The following CRTC1 variants were observed in gnomAD, a reference collection of about 807,000 sequenced individuals.
CRTC1 encodes the protein CREB regulated transcription coactivator 1, also known as CREB-regulated transcription coactivator 1.
CRTC1 carries 18 observed loss-of-function variants against 66.1 expected under a neutral mutation model. The observed-to-expected ratio is 0.27, with a 90% CI of 0.19 to 0.40. The LOEUF is 0.40. CRTC1 is among the 10% of genes least tolerant of loss of function. The probability of loss-of-function intolerance (pLI) is 1.00; values close to 1 mark genes in which losing one functional copy is unlikely to be tolerated. For missense variants in CRTC1, 669 were observed against 887.9 expected (o/e 0.75, Z 3.13); for synonymous variants, 416 against 398.8 (o/e 1.04, Z -0.51).
Position 18,777,737 on chromosome 19 carries a change from C to T in CRTC1, c.*355C>T, listed in dbSNP as rs1568547244. ...CAGCTCCCGGCGTGGCGGGCAGGCT[C>T]AGGGGAGGGGCGCGCATGGTCCGCC... is the stretch of plus-strand genomic sequence containing the variant. On this transcript the variant is annotated 3_prime_UTR_variant, in exon 14 of 14. Coordinates refer to ENST00000321949, the MANE Select transcript of CRTC1 (RefSeq NM_015321.3). The surrounding 1 kb of genome is among the most constrained non-coding windows in gnomAD (Gnocchi z 5.5). The T allele has an allele frequency of 1.4e-5, 5 of 358,378 alleles. No individual in the cohort carries two copies. Among genetic ancestry groups the T allele is most frequent in the Admixed American group, 5.1e-5 (1 of 19,514 alleles). The allele number at this position is 358,378 out of a possible 1,614,324, so 22.2% of individuals were successfully genotyped here.
At chr19:18,740,141 T>C (rs1402058777) in intron 1 of CRTC1, among the ~76,000 whole-genome samples, 1 of 151,840 alleles carries the variant, frequency 6.6e-6, no homozygotes, top group Non-Finnish European at 1.5e-5. Context: ...TAATCCCAGC[T>C]ACTCAGGAAG....
intron 4 of CRTC1, 26 bp from the exon 5 acceptor site, chr19:18,749,755 A>G (rs1600934080): frequency 6.3e-7 from 1 of 1,596,242 alleles, no homozygotes; most frequent in Non-Finnish European, 8.6e-7. Flanking sequence ...GCTGAGGCTC[A>G]TTGTCTCTTC....
intron 11 of CRTC1, among the ~76,000 whole-genome samples, 188 bp from the exon 12 acceptor site, chr19:18,774,712 G>T (rs1434915806): frequency 6.6e-6 from 1 of 152,214 alleles, no homozygotes; most frequent in African/African-American, 2.4e-5. Context: ...CCTCCCAGGA[G>T]CAGGTGGCAG....
chr19:18,689,564 C>CATATATAT (rs10616884), intron 1 of CRTC1, among the ~76,000 whole-genome samples: 24 of 38,338 alleles, frequency 6.3e-4, no homozygotes, highest in African/African-American at 5.7e-3. Flanking sequence ...AATTGATGGC[C>CATATATAT]ATATATATAT....
chr19:18,737,065 G>A (rs1278639742), intron 1 of CRTC1, among the ~76,000 whole-genome samples: 3 of 152,122 alleles, frequency 2.0e-5, no homozygotes, highest in South Asian at 2.1e-4. Flanking sequence ...CCTACCTAGG[G>A]GCTCCTGCTC....
Position 18,777,193 on chromosome 19 carries a change from C to A in CRTC1, c.1716C>A (p.Ser572Arg). ...CAGTGACAGGAGAGTCCCCCCCCAG[C>A]CTCTCTAAAGAACTGACCAGCTCTC... Reference protein sequence around the residue: ...ILTVTGESPPSLSKELTSSLA... With the variant: ...ILTVTGESPPRLSKELTSSLA... The change falls in exon 14 of 14, where the codon AGC becomes AGA. Residue 572 changes from serine to arginine, a missense_variant. Ser to Arg is a moderately radical substitution (Grantham distance 110). Coordinates refer to ENST00000321949, the MANE Select transcript of CRTC1 (RefSeq NM_015321.3). The surrounding 1 kb of genome is among the most constrained non-coding windows in gnomAD (Gnocchi z 5.5). 1 of 1,571,332 alleles carries A rather than the reference C, an allele frequency of 6.4e-7. No homozygotes were observed.
intron 5 of CRTC1, among the ~76,000 whole-genome samples, chr19:18,753,002 A>G (rs1445601850): frequency 6.6e-6 from 1 of 151,386 alleles, no homozygotes; most frequent in Non-Finnish European, 1.5e-5. Context: ...ACGGTGGCGC[A>G]CACCTGTAAT....
intron 3 of CRTC1, among the ~76,000 whole-genome samples, chr19:18,746,494 A>T: frequency 8.0e-6 from 1 of 125,192 alleles, no homozygotes; most frequent in Non-Finnish European, 1.8e-5. Flanking sequence ...CTCCCCCCCA[A>T]CTCAGCCGCC....
chr19:18,766,218 T>G (rs1470037332), intron 9 of CRTC1, among the ~76,000 whole-genome samples: 2 of 151,480 alleles, frequency 1.3e-5, no homozygotes, highest in African/African-American at 4.8e-5. Flanking sequence ...CTTCCTGGGT[T>G]CAAGCCATTC....
chr19:18,729,763 A>G (rs2053844469), intron 1 of CRTC1, among the ~76,000 whole-genome samples: 2 of 152,012 alleles, frequency 1.3e-5, no homozygotes, highest in South Asian at 2.1e-4. Flanking sequence ...AATAATAATA[A>G]TAAGTTGGTT....
rs1568549884 is a variant in CRTC1 at position 18,780,190 on chromosome 19, C to T, written c.*2808C>T. On this transcript the variant is annotated 3_prime_UTR_variant, in exon 14 of 14. Transcript: ENST00000321949. ...CGCCGTCTGTGTCCTTGGTCAGGCC[C>T]GGATGCTTGGTCTACACTGGGTTAG... is the stretch of plus-strand genomic sequence containing the variant. 8.6e-6 allele frequency: 2 copies of T among 231,606 alleles called. No individual in the cohort carries two copies. The highest frequency in any genetic ancestry group is 8.5e-6 in the Non-Finnish European group (1 of 117,138). The allele number at this position is 231,606 out of a possible 1,614,324, so 14.3% of individuals were successfully genotyped here. A position where few individuals can be genotyped will look rare whatever the true frequency, so the allele number is the denominator to read the frequency against.
chr19:18,765,377 TCTCC>T, intron 8 of CRTC1, 23 bp from the exon 9 acceptor site: 3 of 1,597,944 alleles, frequency 1.9e-6, no homozygotes, highest in Non-Finnish European at 2.6e-6. Flanking sequence ...TCACACCTGC[TCTCC>T]CTCCCTCCTA....
Position 18,745,972 on chromosome 19 carries a change from A to G in CRTC1, c.381+12A>G. ...AACACGGACGGCAGATATCCTTTTC[A>G]CCAGAGGATGAGGGTGGGGGCCAGG... On this transcript the variant is annotated intron_variant, in intron 3 of 13. Coordinates refer to ENST00000321949, the MANE Select transcript of CRTC1 (RefSeq NM_015321.3). 1 of 1,600,644 alleles carries G rather than the reference A, an allele frequency of 6.2e-7. No individual in the cohort carries two copies. The highest frequency in any genetic ancestry group is 8.5e-7 in the Non-Finnish European group (1 of 1,170,734).
At chr19:18,774,864 G>A in intron 11 of CRTC1, 36 bp from the exon 12 acceptor site, 1 of 1,605,246 alleles carries the variant, frequency 6.2e-7, no homozygotes, top group Non-Finnish European at 8.5e-7. Flanking sequence ...CCTGGCCTCA[G>A]GCCGTGACCA....
chr19:18,684,328 G>A (rs139281231), intron 1 of CRTC1, among the ~76,000 whole-genome samples: 77 of 152,092 alleles, frequency 5.1e-4, no homozygotes, highest in African/African-American at 1.6e-3. Flanking sequence ...AAGTGCCCCC[G>A]CATCCTTGCT....
At chr19:18,743,071 C>A in intron 2 of CRTC1, 45 bp downstream of exon 2, 1 of 1,450,316 alleles carries the variant, frequency 6.9e-7, no homozygotes, top group South Asian at 1.1e-5. Flanking sequence ...GGGGAGCTTC[C>A]CCCAGCCTCC....
intron 1 of CRTC1, among the ~76,000 whole-genome samples, chr19:18,702,564 G>A (rs1389841774): frequency 1.5e-5 from 2 of 129,140 alleles, no homozygotes; most frequent in Admixed American, 8.9e-5. Context: ...ATGGATTTTC[G>A]CTCTTGTTGC....
chr19:18,737,264 G>T (rs543006388), intron 1 of CRTC1, among the ~76,000 whole-genome samples: 2 of 151,466 alleles, frequency 1.3e-5, no homozygotes, highest in South Asian at 2.1e-4. Flanking sequence ...CAGGTGGGGG[G>T]GTAGGACTTT....
At chr19:18,707,320 G>A (rs1568487862) in intron 1 of CRTC1, among the ~76,000 whole-genome samples, 1 of 152,116 alleles carries the variant, frequency 6.6e-6, no homozygotes, top group Non-Finnish European at 1.5e-5. Flanking sequence ...TTTGCATATG[G>A]AGATCTTGTT....
Sources: gnomAD v4.1 joint callset for allele counts (sites outside exome capture counted in the v4.1 genomes callset) on GRCh38, gnomAD v4.1.1 for gene constraint, Gnocchi (gnomAD v3.1) non-coding constraint, MANE v1.5 for transcripts, NCBI Gene and HGNC (gene_info 2026-07-23, HGNC 2026-07-21) for gene names.